ZMAT4: variants seen among roughly 807,000 people sequenced by gnomAD.
ZMAT4 encodes the protein zinc finger matrin-type 4.
In ZMAT4, 17 loss-of-function variants were observed where a neutral mutation model predicts 28.7. The ratio of observed to expected loss-of-function variants is 0.59; its 90% CI spans 0.41 to 0.89. The LOEUF (loss-of-function observed/expected upper bound fraction) is 0.89, where lower values mean the gene tolerates loss of function less well. Ranked by LOEUF, ZMAT4 falls within the 40% of genes least tolerant of loss-of-function variation. ZMAT4 has a pLI of 0.00. For missense variants in ZMAT4, 240 were observed against 283.8 expected, an observed-to-expected ratio of 0.85 and a Z score of 1.11; for synonymous variants, 117 against 109.2, an observed-to-expected ratio of 1.07 and a Z score of -0.44.
At chr8:40,733,137 A>C (rs4549755) in intron 3 of ZMAT4, among the ~76,000 whole-genome samples, 1 of 151,606 alleles carries the variant, frequency 6.6e-6, no homozygotes, top group Non-Finnish European at 1.5e-5. Context: ...TGTTTGGCTG[A>C]CCTCCATACT....
At chr8:40,768,475 A>G (rs1156365381) in intron 2 of ZMAT4, among the ~76,000 whole-genome samples, 4 of 152,110 alleles carry the variant, frequency 2.6e-5, no homozygotes, top group Non-Finnish European at 5.9e-5. Context: ...CCGGATTCCC[A>G]TCACGTTTAA....
chr8:40,757,505 G>A (rs1427436645), intron 3 of ZMAT4, among the ~76,000 whole-genome samples: 1 of 151,506 alleles, frequency 6.6e-6, no homozygotes, highest in Non-Finnish European at 1.5e-5. Flanking sequence ...AGAATCACTG[G>A]AACCTGGAGG....
In ZMAT4 at chr8:40,555,895, C is replaced by T. The variant is rs151016021; in HGVS notation, c.675-23657G>A. On this transcript the variant is annotated intron_variant, in intron 6 of 6. Transcript: ENST00000297737. ...ACTGCAATTTGTTTTCTCTCCCAAC[C>T]ACTCAACCGACTGCCTTGGCTAAGG... Among the ~76,000 whole-genome samples, 11 of 152,262 alleles carry T rather than the reference C, an allele frequency of 7.2e-5. No individual in the cohort carries two copies. The East Asian group carries it at 1.5e-3, about 21-fold the overall frequency.
Position 40,707,979 on chromosome 8 carries a change from T to C in ZMAT4, c.193-10578A>G, listed in dbSNP as rs117093199. ...AAATGTTGGCAGCAGTGGTATCGTT[T>C]TTTTAAAATCTCTCTAAATTCCCAA... On this transcript the variant is annotated intron_variant, in intron 3 of 6. Transcript: ENST00000297737. Among the ~76,000 whole-genome samples, 512 of 152,328 alleles carry C rather than the reference T, an allele frequency of 3.4e-3. 3 individuals are homozygous for C. Among genetic ancestry groups the C allele is most frequent in the Non-Finnish European group, 6.0e-3 (408 of 68,036 alleles).
intron 6 of ZMAT4, among the ~76,000 whole-genome samples, chr8:40,580,775 A>G (rs140026031): frequency 1.4e-3 from 207 of 152,316 alleles, no homozygotes; most frequent in African/African-American, 4.5e-3. Context: ...GGGATTTGTT[A>G]TGTTTCTATA....
At chr8:40,625,783 C>T (rs759959266) in intron 5 of ZMAT4, among the ~76,000 whole-genome samples, 17 of 151,936 alleles carry the variant, frequency 1.1e-4, no homozygotes, top group Non-Finnish European at 5.9e-5. Context: ...AGGTTGGAGC[C>T]AGGTGAGTAA....
At chr8:40,731,453 A>G (rs1811538519) in intron 3 of ZMAT4, among the ~76,000 whole-genome samples, 1 of 152,172 alleles carries the variant, frequency 6.6e-6, no homozygotes, top group South Asian at 2.1e-4. Context: ...AAAAACAATA[A>G]CAAGAAACAG....
At chr8:40,657,536 A>G (rs1298926941) in intron 5 of ZMAT4, among the ~76,000 whole-genome samples, 1 of 152,030 alleles carries the variant, frequency 6.6e-6, no homozygotes, top group Non-Finnish European at 1.5e-5. Flanking sequence ...GTTATCATTC[A>G]TATTGTTGCT....
intron 5 of ZMAT4, among the ~76,000 whole-genome samples, chr8:40,646,775 C>G (rs530019430): frequency 6.6e-6 from 1 of 152,180 alleles, no homozygotes; most frequent in Non-Finnish European, 1.5e-5. Context: ...CACTACTCCA[C>G]TTTCAATATG....
intron 3 of ZMAT4, among the ~76,000 whole-genome samples, chr8:40,731,070 T>C (rs542270793): frequency 1.2e-4 from 18 of 149,628 alleles, no homozygotes; most frequent in Admixed American, 1.1e-3. Flanking sequence ...ATATCAAGGA[T>C]CTGCACCCTA....
intron 5 of ZMAT4, among the ~76,000 whole-genome samples, chr8:40,634,995 T>C (rs1325309145): frequency 6.6e-6 from 1 of 152,202 alleles, no homozygotes; most frequent in Non-Finnish European, 1.5e-5. Context: ...AATCCAATTA[T>C]ATGTCTCCAT....
At chr8:40,727,990 T>C (rs1414734545) in intron 3 of ZMAT4, among the ~76,000 whole-genome samples, 1 of 152,024 alleles carries the variant, frequency 6.6e-6, no homozygotes, top group Non-Finnish European at 1.5e-5. Context: ...CAAAAATAGG[T>C]AGTTATGGGA....
At chr8:40,800,208 T>G (rs1189785695) in intron 2 of ZMAT4, among the ~76,000 whole-genome samples, 1 of 152,190 alleles carries the variant, frequency 6.6e-6, no homozygotes, top group Non-Finnish European at 1.5e-5. Context: ...ATCCTTAAAG[T>G]GTATAGACCT....
At chr8:40,725,114 G>A (rs1811266360) in intron 3 of ZMAT4, among the ~76,000 whole-genome samples, 2 of 152,214 alleles carry the variant, frequency 1.3e-5, no homozygotes, top group East Asian at 3.8e-4. Flanking sequence ...GCCATCAGGA[G>A]GGAAGTCATC....
At chr8:40,578,732 C>A (rs911532110) in intron 6 of ZMAT4, among the ~76,000 whole-genome samples, 2 of 152,140 alleles carry the variant, frequency 1.3e-5, no homozygotes, top group African/African-American at 4.8e-5. Context: ...ACAAAGAGAG[C>A]AGCTTTGTTC....
intron 4 of ZMAT4, chr8:40,696,961 C>T (rs1809916097): frequency 1.0e-5 from 3 of 293,870 alleles, no homozygotes; most frequent in African/African-American, 2.1e-5. Flanking sequence ...ATATAATACA[C>T]AGTAGGAATG....
At chr8:40,874,371 G>C (rs1291867106) in intron 1 of ZMAT4, among the ~76,000 whole-genome samples, 1 of 152,218 alleles carries the variant, frequency 6.6e-6, no homozygotes, top group Non-Finnish European at 1.5e-5. Flanking sequence ...ATGGTGGGTG[G>C]TGGCTATTTA....
In ZMAT4 at chr8:40,863,538, A is replaced by T. The variant is rs1703597391; in HGVS notation, c.-5+34145T>A. On this transcript the variant is annotated intron_variant, in intron 1 of 6. Transcript: ENST00000297737. ...AGAACACAAGAGGAGGTGGAAGTGG[A>T]GGCTGTGAGAAGAGCTGTAGATGAT... Among the ~76,000 whole-genome samples, 3 of 152,174 alleles carry T rather than the reference A, an allele frequency of 2.0e-5. No individual in the cohort carries two copies. The South Asian group carries it at 6.2e-4, about 32-fold the overall frequency.
intron 1 of ZMAT4, among the ~76,000 whole-genome samples, chr8:40,832,665 C>G (rs12678683): frequency 0.084 from 12,770 of 152,234 alleles, 932 homozygotes; most frequent in East Asian, 0.33. Flanking sequence ...TTTTGACAAA[C>G]TCCACAGCCG....
Sources: allele counts gnomAD v4.1 joint callset (sites outside exome capture counted in the v4.1 genomes callset), GRCh38; gene constraint gnomAD v4.1.1; transcripts MANE v1.5; gene names NCBI Gene and HGNC (gene_info 2026-07-23, HGNC 2026-07-21).